GLT1D1: variants seen among roughly 807,000 people sequenced by gnomAD.
GLT1D1 encodes glycosyltransferase 1 domain-containing protein 1.
GLT1D1 carries 21 observed loss-of-function variants against 28.7 expected under a neutral mutation model. The observed-to-expected ratio is 0.73, with a 90% confidence interval of 0.52 to 1.05. The LOEUF (loss-of-function observed/expected upper bound fraction) is 1.05, where lower values mean the gene tolerates loss of function less well. Among genes scored for constraint, GLT1D1 ranks in the 50% least tolerant of loss-of-function variants. The pLI, the probability that GLT1D1 is intolerant of heterozygous loss-of-function variation, is 0.00. For synonymous variants in GLT1D1, 147 were observed against 124.8 expected, an observed-to-expected ratio of 1.18 and a Z score of -1.19; for missense variants, 343 against 330.6, an observed-to-expected ratio of 1.04 and a Z score of -0.29.
chr12:128,948,833 A>G (rs145009677), intron 6 of GLT1D1, among the ~76,000 whole-genome samples: 174 of 152,246 alleles, frequency 1.1e-3, no homozygotes, highest in African/African-American at 3.8e-3. Flanking sequence ...TATGCATAAT[A>G]TTTGCTCTTA....
intron 4 of GLT1D1, among the ~76,000 whole-genome samples, chr12:128,929,493 G>T (rs187853678): frequency 6.6e-6 from 1 of 152,156 alleles, no homozygotes; most frequent in Admixed American, 6.5e-5. Context: ...TGAGTGAAGC[G>T]AACTCTACAC....
At chr12:128,856,223 C>T (rs762622292) in intron 1 of GLT1D1, among the ~76,000 whole-genome samples, 10 of 152,170 alleles carry the variant, frequency 6.6e-5, no homozygotes, top group Admixed American at 3.9e-4. Context: ...AGGTCGCTCT[C>T]GTTGCCATCT....
chr12:128,928,626 T>C (rs1220486025), intron 4 of GLT1D1, among the ~76,000 whole-genome samples: 20 of 151,848 alleles, frequency 1.3e-4, no homozygotes, highest in Non-Finnish European at 2.2e-4. Flanking sequence ...TTTTTTTTCT[T>C]TCTTTCTTTT....
intron 2 of GLT1D1, among the ~76,000 whole-genome samples, chr12:128,880,496 G>A (rs953959501): frequency 6.6e-6 from 1 of 152,176 alleles, no homozygotes; most frequent in Admixed American, 6.5e-5. Context: ...GTCTCTCTGT[G>A]TAGCATCATG....
chr12:128,877,697 C>G (rs992303804), intron 2 of GLT1D1, among the ~76,000 whole-genome samples: 1 of 152,206 alleles, frequency 6.6e-6, no homozygotes, highest in East Asian at 1.9e-4. Flanking sequence ...TGGATATTCT[C>G]CTAGAAATAT....
chr12:128,933,009 A>G (rs1490676898), intron 4 of GLT1D1, among the ~76,000 whole-genome samples: 1 of 152,218 alleles, frequency 6.6e-6, no homozygotes, highest in African/African-American at 2.4e-5. Flanking sequence ...GTCCCACTGA[A>G]GCCTCACAGC....
At chr12:128,909,045 G>A (rs979648030) in intron 4 of GLT1D1, among the ~76,000 whole-genome samples, 3 of 152,150 alleles carry the variant, frequency 2.0e-5, no homozygotes, top group African/African-American at 4.8e-5. Context: ...CTAGTCTCCC[G>A]TTTCTGACCT....
At chr12:128,921,998 CT>C (rs1411962000) in intron 4 of GLT1D1, among the ~76,000 whole-genome samples, 1 of 150,518 alleles carries the variant, frequency 6.6e-6, no homozygotes, top group Non-Finnish European at 1.5e-5. Flanking sequence ...CTCCTTGTAC[CT>C]TCCTTCTTTC....
intron 4 of GLT1D1, among the ~76,000 whole-genome samples, chr12:128,917,370 G>A (rs745436007): frequency 7.2e-5 from 11 of 152,092 alleles, no homozygotes; most frequent in Non-Finnish European, 1.3e-4. Flanking sequence ...CCACCTCCTG[G>A]CTTCAAGCGA....
chr12:128,982,621 G>A lies in GLT1D1; in HGVS notation c.640-308G>A, dbSNP rs370887600. ...AAGACAGCTGGTCTTGTTGATTGAG[G>A]GAAGGGAGTTGATGGCTCCAGTATT... On this transcript the variant is annotated intron_variant, in intron 7 of 7. Coordinates refer to ENST00000281703, the MANE Select transcript of GLT1D1 (RefSeq NM_144669.3). Among the ~76,000 whole-genome samples the A allele has an allele frequency of 4.6e-5, 7 of 152,262 alleles. No individual in the cohort carries two copies. The East Asian group carries it at 1.4e-3, about 29-fold the overall frequency.
chr12:128,931,771 A>T lies in GLT1D1; in HGVS notation c.376-13555A>T, dbSNP rs113262675. Reference sequence around the variant, plus strand: ...GGGAGCTGACTCTGCAGGAGAAGCCACAAGTCCAGAGGCCTCCTCTTTTTA... The same window carrying T: ...GGGAGCTGACTCTGCAGGAGAAGCCTCAAGTCCAGAGGCCTCCTCTTTTTA... On this transcript the variant is annotated intron_variant, in intron 4 of 7. Transcript: ENST00000281703. 4.9e-3 allele frequency among the ~76,000 whole-genome samples: 750 copies of T among 152,324 alleles called. 3 individuals are homozygous for T. The highest frequency in any genetic ancestry group is 0.017 in the African/African-American group (707 of 41,572).
intron 1 of GLT1D1, among the ~76,000 whole-genome samples, chr12:128,864,382 A>G (rs903323682): frequency 6.6e-6 from 1 of 152,040 alleles, no homozygotes; most frequent in Non-Finnish European, 1.5e-5. Flanking sequence ...GGGAAGCCGA[A>G]GAAGAGGAAT....
chr12:128,978,181 G>A (rs777954998), intron 7 of GLT1D1, among the ~76,000 whole-genome samples: 10 of 152,020 alleles, frequency 6.6e-5, no homozygotes, highest in Admixed American at 2.6e-4. Flanking sequence ...GTTACAGTGC[G>A]TGTGTGTGGC....
At chr12:128,868,585 T>G (rs1956607097) in intron 1 of GLT1D1, among the ~76,000 whole-genome samples, 1 of 152,120 alleles carries the variant, frequency 6.6e-6, no homozygotes, top group Non-Finnish European at 1.5e-5. Context: ...TTAGGGAGGT[T>G]GGAATTGGGG....
At chr12:128,865,736 C>T (rs979350277) in intron 1 of GLT1D1, among the ~76,000 whole-genome samples, 2 of 152,008 alleles carry the variant, frequency 1.3e-5, no homozygotes, top group African/African-American at 4.8e-5. Flanking sequence ...GCAGGAGAAT[C>T]GCTTGAACCT....
chr12:128,919,988 TCTCCCC>T (rs772469698), intron 4 of GLT1D1, among the ~76,000 whole-genome samples: 207 of 5,856 alleles, frequency 0.035, 9 homozygotes, highest in African/African-American at 0.11. Flanking sequence ...TCTCTCTCTC[TCTCCCC>T]CTCCATCTCT....
intron 1 of GLT1D1, among the ~76,000 whole-genome samples, chr12:128,855,399 C>CA (rs113168444): frequency 2.0e-5 from 3 of 150,656 alleles, no homozygotes; most frequent in Admixed American, 6.6e-5. Context: ...CTCATCTCTA[C>CA]AAAAAAAAAT....
chr12:128,947,281 G>C, intron 5 of GLT1D1, 57 bp from the exon 10 acceptor site: 1 of 1,609,510 alleles, frequency 6.2e-7, no homozygotes, highest in Admixed American at 1.7e-5. Context: ...CCTCCTCCCA[G>C]CTGCCTACCC....
rs1032998271 is a variant in GLT1D1, at chr12:128,984,857, C to T, written c.*1767C>T. ...TGTAGATGCCTGACCTCCACCGTAC[C>T]TCCACATCACTATTCATGTCCTTCT... On this transcript the variant is annotated 3_prime_UTR_variant, in exon 8 of 8. Coordinates refer to ENST00000281703, the MANE Select transcript of GLT1D1 (RefSeq NM_144669.3). 6.6e-5 allele frequency: 10 copies of T among 152,234 alleles called. No individual in the cohort carries two copies. Among genetic ancestry groups the T allele is most frequent in the African/African-American group, 2.2e-4 (9 of 41,448 alleles). 9.4% of individuals were successfully genotyped at this position (152,234 alleles called of 1,614,324 possible).
Sources: allele counts gnomAD v4.1 joint callset (sites outside exome capture counted in the v4.1 genomes callset), GRCh38; gene constraint gnomAD v4.1.1; transcripts MANE v1.5; gene names NCBI Gene and HGNC (gene_info 2026-07-23, HGNC 2026-07-21).